The following NEGR1 variants were observed in gnomAD, a reference collection of about 807,000 sequenced individuals.
The protein encoded by NEGR1 is IgLON family member 4.
Under a neutral mutation model 40.9 loss-of-function variants are expected in NEGR1, and 10 were observed. The ratio of observed to expected loss-of-function variants is 0.24; its 90% CI spans 0.15 to 0.42. The LOEUF (loss-of-function observed/expected upper bound fraction) is 0.42. Among genes scored for constraint, NEGR1 ranks in the 10% least tolerant of loss-of-function variants. The pLI is 1.00. For missense variants in NEGR1, 352 were observed against 438.9 expected (o/e 0.80, Z 1.77); for synonymous variants, 185 against 166.8 (o/e 1.11, Z -0.84).
At chr1:71,612,623 C>T (rs1180176363) in intron 4 of NEGR1, among the ~76,000 whole-genome samples, 1 of 152,012 alleles carries the variant, frequency 6.6e-6, no homozygotes, top group Non-Finnish European at 1.5e-5. Context: ...AAAAACAAAA[C>T]CCTTATAGTT....
At chr1:71,812,965 T>C (rs1434497492) in intron 2 of NEGR1, among the ~76,000 whole-genome samples, 1 of 152,138 alleles carries the variant, frequency 6.6e-6, no homozygotes, top group African/African-American at 2.4e-5. Context: ...TTTTTGCTTT[T>C]GTCGCAATTG....
At chr1:71,756,068 T>C (rs1055110795) in intron 3 of NEGR1, among the ~76,000 whole-genome samples, 1 of 152,130 alleles carries the variant, frequency 6.6e-6, no homozygotes, top group African/African-American at 2.4e-5. Context: ...ACATGAGAGA[T>C]ATCCAAGAAA....
chr1:72,067,077 A>G (rs760945034), intron 1 of NEGR1, among the ~76,000 whole-genome samples: 21 of 152,124 alleles, frequency 1.4e-4, no homozygotes, highest in Non-Finnish European at 2.8e-4. Flanking sequence ...ATGTGGTTAA[A>G]GAGGTAAAGA....
At chr1:72,041,646 G>C (rs572510165) in intron 1 of NEGR1, among the ~76,000 whole-genome samples, 81 of 148,682 alleles carry the variant, frequency 5.4e-4, no homozygotes, top group Non-Finnish European at 1.1e-3. Context: ...CCCACTTGTG[G>C]GTATAAAATG....
chr1:71,536,906 A>C (rs1429372136), intron 6 of NEGR1, among the ~76,000 whole-genome samples: 1 of 151,774 alleles, frequency 6.6e-6, no homozygotes, highest in Non-Finnish European at 1.5e-5. Context: ...GTTAAAGAAA[A>C]TAATGATATT....
At chr1:72,221,404 A>C (rs1188998602) in intron 1 of NEGR1, among the ~76,000 whole-genome samples, 1 of 152,136 alleles carries the variant, frequency 6.6e-6, no homozygotes, top group Non-Finnish European at 1.5e-5. Flanking sequence ...TATTTATCTA[A>C]ATCTCGGATG....
intron 1 of NEGR1, among the ~76,000 whole-genome samples, chr1:72,120,408 G>T (rs1403985517): frequency 1.3e-5 from 2 of 151,936 alleles, no homozygotes; most frequent in East Asian, 3.9e-4. Context: ...CATGTATTCT[G>T]TAAATAAACT....
At chr1:72,274,895 A>G in intron 1 of NEGR1, 1 of 1,595,454 alleles carries the variant, frequency 6.3e-7, no homozygotes. Flanking sequence ...ATTATTCCAC[A>G]GAACCAAGTC....
chr1:71,744,973 A>C (rs1386068229), intron 3 of NEGR1, among the ~76,000 whole-genome samples: 1 of 152,140 alleles, frequency 6.6e-6, no homozygotes, highest in Non-Finnish European at 1.5e-5. Flanking sequence ...ATTGTTTTTG[A>C]GTGTTATTAT....
At chr1:72,125,119 TAA>T (rs1158641522) in intron 1 of NEGR1, among the ~76,000 whole-genome samples, 1 of 152,052 alleles carries the variant, frequency 6.6e-6, no homozygotes, top group African/African-American at 2.4e-5. Context: ...TGAAAGTTAT[TAA>T]AAATTTTATG....
intron 6 of NEGR1, among the ~76,000 whole-genome samples, chr1:71,526,425 T>G (rs1647218063): frequency 6.6e-6 from 1 of 151,544 alleles, no homozygotes; most frequent in Non-Finnish European, 1.5e-5. Context: ...AGTATTCTCC[T>G]GTGTAAAGTA....
intron 6 of NEGR1, among the ~76,000 whole-genome samples, chr1:71,503,382 A>T (rs948795150): frequency 6.6e-6 from 1 of 152,136 alleles, no homozygotes; most frequent in African/African-American, 2.4e-5. Context: ...CACCCAGCGA[A>T]AAGCCCTGAG....
At chr1:72,017,126 ATGTGTGTGTGTG>A (rs143863573) in intron 1 of NEGR1, among the ~76,000 whole-genome samples, 3 of 146,880 alleles carry the variant, frequency 2.0e-5, no homozygotes, top group South Asian at 2.1e-4. Flanking sequence ...ATACACATAT[ATGTGTGTGTGTG>A]TGTGTGTGTG....
chr1:72,033,825 C>T (rs1410662572), intron 1 of NEGR1, among the ~76,000 whole-genome samples: 1 of 152,106 alleles, frequency 6.6e-6, no homozygotes, highest in Non-Finnish European at 1.5e-5. Flanking sequence ...TAATACAACA[C>T]TCCAGGCAAT....
chr1:71,874,949 A>G (rs947993671), intron 2 of NEGR1, among the ~76,000 whole-genome samples: 1 of 151,992 alleles, frequency 6.6e-6, no homozygotes, highest in African/African-American at 2.4e-5. Context: ...GGCTCAATCA[A>G]TCCTCCTCCC....
At chr1:71,808,907 G>A (rs1657880046) in intron 2 of NEGR1, among the ~76,000 whole-genome samples, 1 of 152,014 alleles carries the variant, frequency 6.6e-6, no homozygotes. Flanking sequence ...CTCTCTATCT[G>A]TAACTTGTTT....
At chr1:71,845,821 A>T (rs1340971763) in intron 2 of NEGR1, among the ~76,000 whole-genome samples, 2 of 151,870 alleles carry the variant, frequency 1.3e-5, no homozygotes, top group African/African-American at 4.8e-5. Flanking sequence ...GTGCAATGGC[A>T]CGATCACAGC....
At chr1:72,127,463 C>CAAAAAAAAAAAA (rs56301492) in intron 1 of NEGR1, among the ~76,000 whole-genome samples, 1 of 39,304 alleles carries the variant, frequency 2.5e-5, no homozygotes, top group African/African-American at 8.6e-5. Context: ...GGCTCTGTCT[C>CAAAAAAAAAAAA]AAAAAAAAAA....
intron 3 of NEGR1, among the ~76,000 whole-genome samples, chr1:71,761,174 A>G (rs887059308): frequency 2.6e-5 from 4 of 152,208 alleles, no homozygotes; most frequent in African/African-American, 9.6e-5. Flanking sequence ...TATCTGATGC[A>G]GGAGTCAGCA....
Sources: gnomAD v4.1 joint callset for allele counts (sites outside exome capture counted in the v4.1 genomes callset) on GRCh38, gnomAD v4.1.1 for gene constraint, MANE v1.5 for transcripts, NCBI Gene and HGNC (gene_info 2026-07-23, HGNC 2026-07-21) for gene names.